Variants in MEGF10 observed in about 807,000 individuals in gnomAD.
MEGF10 encodes the protein multiple EGF like domains 10.
MEGF10 carries 86 observed loss-of-function variants against 147.5 expected under a neutral mutation model. The ratio of observed to expected loss-of-function variants is 0.58; its 90% CI spans 0.49 to 0.70. The LOEUF (loss-of-function observed/expected upper bound fraction) is 0.70, where lower values mean the gene tolerates loss of function less well. MEGF10 is among the 30% of genes least tolerant of loss of function. MEGF10 has a pLI of 0.00. For missense variants in MEGF10, 1,329 were observed against 1,487.3 expected (o/e 0.89, Z 1.75); for synonymous variants, 478 against 525.5 (o/e 0.91, Z 1.24).
intron 16 of MEGF10, 78 bp from the exon 17 acceptor site, chr5:127,438,361 T>G (rs754383444): frequency 1.2e-5 from 18 of 1,481,730 alleles, no homozygotes; most frequent in Admixed American, 1.7e-5. Flanking sequence ...CAGGGAGATG[T>G]GTAGAGGTGG....
chr5:127,269,221 G>A, the MEGF10 span, among the ~76,000 whole-genome samples: 1 of 152,234 alleles, frequency 6.6e-6, no homozygotes, highest in Non-Finnish European at 1.5e-5. Context: ...GCCAGCAATG[G>A]AACAAAGCTG....
the MEGF10 span, among the ~76,000 whole-genome samples, chr5:127,246,738 CAT>C: frequency 1.4e-3 from 204 of 143,238 alleles, no homozygotes; most frequent in Admixed American, 2.7e-3. Flanking sequence ...AGATTTAAAA[CAT>C]ATATTTTATA....
the MEGF10 span, among the ~76,000 whole-genome samples, chr5:127,253,176 T>A: frequency 1.3e-5 from 2 of 152,016 alleles, no homozygotes; most frequent in South Asian, 4.1e-4. Flanking sequence ...TGTCTAGAGG[T>A]GACTTTTCCA....
At chr5:127,427,729 C>T (rs1263108832) in intron 13 of MEGF10, among the ~76,000 whole-genome samples, 2 of 152,154 alleles carry the variant, frequency 1.3e-5, no homozygotes, top group Non-Finnish European at 2.9e-5. Flanking sequence ...ATGTCTCATG[C>T]AGCTAAGGGA....
chr5:127,460,030 A>C lies in MEGF10; in HGVS notation c.*2712A>C, dbSNP rs1324906284. 2 of 152,200 alleles carry C rather than the reference A, an allele frequency of 1.3e-5. No individual in the cohort carries two copies. The highest frequency in any genetic ancestry group is 4.8e-5 in the African/African-American group (2 of 41,460). 9.4% of individuals were successfully genotyped at this position (152,200 alleles called of 1,614,324 possible). A position where few individuals can be genotyped will look rare whatever the true frequency, so the allele number is the denominator to read the frequency against. On this transcript the variant is annotated 3_prime_UTR_variant, in exon 25 of 25. Transcript: ENST00000503335. ...ATGTATCGAATTTAATTTGACATTG[A>C]TGTCACTCTTCATACCAAGTGAATC...
At chr5:127,404,562 T>C (rs1367831783) in intron 8 of MEGF10, among the ~76,000 whole-genome samples, 2 of 152,174 alleles carry the variant, frequency 1.3e-5, no homozygotes, top group Non-Finnish European at 2.9e-5. Flanking sequence ...TGCATCCTTC[T>C]TTTAATGCTC....
intron 2 of MEGF10, among the ~76,000 whole-genome samples, chr5:127,333,995 T>C (rs1247646042): frequency 6.6e-6 from 1 of 152,192 alleles, no homozygotes; most frequent in Non-Finnish European, 1.5e-5. Context: ...AGTTGACAGC[T>C]ATAATCTTCT....
chr5:127,408,058 T>A (rs922571958), intron 8 of MEGF10, among the ~76,000 whole-genome samples: 1 of 152,200 alleles, frequency 6.6e-6, no homozygotes, highest in African/African-American at 2.4e-5. Context: ...TGTGTTTAAT[T>A]GTAGGTTAGA....
chr5:127,256,622 C>T, the MEGF10 span, among the ~76,000 whole-genome samples: 2 of 152,108 alleles, frequency 1.3e-5, no homozygotes, highest in Admixed American at 6.6e-5. Context: ...TTACTGTGGT[C>T]CCTATACCTG....
Position 127,318,313 on chromosome 5 carries a change from C to G in MEGF10, c.-18-12978C>G, listed in dbSNP as rs76553425. ...TGGCACTAGGTTGTAGCAGCCTGAC[C>G]TAACACACCCATTGTATCTTTACAG... On this transcript the variant is annotated intron_variant, in intron 1 of 24. Coordinates refer to ENST00000503335, the MANE Select transcript of MEGF10 (RefSeq NM_001256545.2). Among the ~76,000 whole-genome samples the G allele has an allele frequency of 5.0e-3, 762 of 152,268 alleles. 2 individuals are homozygous for G. Among genetic ancestry groups the G allele is most frequent in the African/African-American group, 0.017 (725 of 41,540 alleles).
chr5:127,292,292 T>C (rs1010435730), intron 1 of MEGF10, among the ~76,000 whole-genome samples: 1 of 152,156 alleles, frequency 6.6e-6, no homozygotes, highest in Non-Finnish European at 1.5e-5. Context: ...AATCTGTTTA[T>C]CCACATATGT....
At chr5:127,394,459 C>T (rs947953710) in intron 5 of MEGF10, among the ~76,000 whole-genome samples, 1 of 152,038 alleles carries the variant, frequency 6.6e-6, no homozygotes, top group African/African-American at 2.4e-5. Context: ...GGATTTAGCT[C>T]ATACGGAATG....
chr5:127,374,600 G>A (rs1417207298), intron 5 of MEGF10, among the ~76,000 whole-genome samples: 5 of 152,032 alleles, frequency 3.3e-5, no homozygotes, highest in Non-Finnish European at 2.9e-5. Flanking sequence ...ATGAGGAGAT[G>A]CAAGTCCCAA....
chr5:127,232,380 A>G, the MEGF10 span, among the ~76,000 whole-genome samples: 4 of 152,310 alleles, frequency 2.6e-5, no homozygotes, highest in South Asian at 2.1e-4. Context: ...AGTGCTGACA[A>G]TCAAGATCAA....
the MEGF10 span, among the ~76,000 whole-genome samples, chr5:127,270,875 C>A: frequency 6.6e-6 from 1 of 152,212 alleles, no homozygotes; most frequent in African/African-American, 2.4e-5. Context: ...CCAGCTCCAT[C>A]CAAGTCCCTG....
At chr5:127,281,558 G>T in the MEGF10 span, among the ~76,000 whole-genome samples, 1 of 152,120 alleles carries the variant, frequency 6.6e-6, no homozygotes, top group African/African-American at 2.4e-5. Flanking sequence ...GGAATTGTGT[G>T]TACATTGCTT....
the MEGF10 span, among the ~76,000 whole-genome samples, chr5:127,263,175 C>T: frequency 6.6e-6 from 1 of 151,830 alleles, no homozygotes; most frequent in Non-Finnish European, 1.5e-5. Flanking sequence ...CTTAAAGGTA[C>T]AAGATTATTT....
chr5:127,331,361 A>T lies in MEGF10; in HGVS notation c.53A>T (p.His18Leu). ...CLSFICLLLC[H>L]WIGTASPLNL... ...AGCTTTATTTGTTTATTGTTATGCC[A>T]CTGGATTGGGACAGCATCACCTCTG... Residue 18 changes from histidine to leucine, a missense_variant, in exon 2 of 25, where the codon CAC (histidine) becomes CTC (leucine). His to Leu is a moderately conservative substitution (Grantham distance 99). Coordinates refer to ENST00000503335, the MANE Select transcript of MEGF10 (RefSeq NM_001256545.2). The T allele has an allele frequency of 6.2e-7, 1 of 1,613,416 alleles. No individual in the cohort carries two copies. The highest frequency in any genetic ancestry group is 8.5e-7 in the Non-Finnish European group (1 of 1,179,494).
rs763998285 is a variant in MEGF10, at chr5:127,435,397, G to C, written c.2012G>C (p.Gly671Ala). The C allele has an allele frequency of 6.2e-7, 1 of 1,614,106 alleles. No homozygotes were observed. Residue 671 changes from glycine to alanine, a missense_variant, in exon 16 of 25, where the codon GGA (glycine) becomes GCA (alanine). Physicochemically the swap from Gly to Ala is moderately conservative, Grantham distance 60 (BLOSUM62 0). Around this residue, in one of 3 missense-constraint regions of MEGF10, gnomAD observed 980 missense variants for 1,085.9 expected, o/e 0.90. Coordinates refer to ENST00000503335, the MANE Select transcript of MEGF10 (RefSeq NM_001256545.2). The part of the protein sequence containing the change: ...PSGRFGKNCA[G>A]ICTCTNNGTC... ...GGCAGATTTGGGAAAAACTGTGCAG[G>C]AATTTGTACCTGCACCAACAACGGA...
Sources: allele counts gnomAD v4.1 joint callset (sites outside exome capture counted in the v4.1 genomes callset), GRCh38; gene constraint gnomAD v4.1.1; regional missense constraint gnomAD v4.1.1; transcripts MANE v1.5; gene names NCBI Gene and HGNC (gene_info 2026-07-23, HGNC 2026-07-21).